DOCK4: variants seen among roughly 807,000 people sequenced by gnomAD.
The protein encoded by DOCK4 is dedicator of cytokinesis 4.
In DOCK4, 97 loss-of-function variants were observed where a neutral mutation model predicts 268.1. The observed-to-expected ratio is 0.36, with a 90% CI of 0.31 to 0.43. The LOEUF is 0.43. Ranked by LOEUF, DOCK4 falls within the 20% of genes least tolerant of loss-of-function variation. The pLI, the probability that DOCK4 is intolerant of heterozygous loss-of-function variation, is 1.00. For synonymous variants in DOCK4, 954 were observed against 887.2 expected (o/e 1.08, Z -1.34); for missense variants, 2,145 against 2,455.7 (o/e 0.87, Z 2.67).
chr7:111,825,671 C>T (rs1685514448), intron 26 of DOCK4, among the ~76,000 whole-genome samples: 1 of 152,148 alleles, frequency 6.6e-6, no homozygotes, highest in African/African-American at 2.4e-5. Context: ...ACAACATGGT[C>T]ACTTAAGCAG....
At chr7:112,000,629 C>T in intron 2 of DOCK4, 95 bp from the exon 3 acceptor site, 2 of 937,770 alleles carry the variant, frequency 2.1e-6, no homozygotes, top group Non-Finnish European at 1.5e-6. Flanking sequence ...TGGAATTTTA[C>T]CATACATGAA....
chr7:111,989,067 G>T lies in DOCK4; in HGVS notation c.412C>A (p.Arg138=), dbSNP rs1415479376. ...ATGTGGCGCTTCACGTCCTTCATCC[G>T]GTCGTGGGTGAGGTGGCCCACCAGC... ...QVLVGHLTHD[R]MKDVKRHITA... is the part of the protein sequence containing the mutation. The change falls in exon 6 of 53, where the codon CGG becomes AGG. Residue 138 remains arginine, a synonymous_variant. Coordinates refer to ENST00000428084, the MANE Select transcript of DOCK4 (RefSeq NM_001363540.2). 1 of 1,613,936 alleles carries T rather than the reference G, an allele frequency of 6.2e-7. No individual in the cohort carries two copies. Among genetic ancestry groups the T allele is most frequent in the South Asian group, 1.1e-5 (1 of 91,072 alleles).
chr7:111,979,032 G>A (rs1466295523), intron 7 of DOCK4, among the ~76,000 whole-genome samples: 1 of 152,300 alleles, frequency 6.6e-6, no homozygotes, highest in East Asian at 1.9e-4. Flanking sequence ...CATTGTAACA[G>A]AGCCATAGCC....
intron 37 of DOCK4, 109 bp downstream of exon 37, chr7:111,769,420 T>G: frequency 1.5e-6 from 2 of 1,358,026 alleles, no homozygotes; most frequent in Non-Finnish European, 2.0e-6. Flanking sequence ...CATTAAGATG[T>G]GAGGATCCCT....
intron 1 of DOCK4, among the ~76,000 whole-genome samples, chr7:112,144,402 T>C (rs1815237668): frequency 6.6e-6 from 1 of 152,196 alleles, no homozygotes. Flanking sequence ...CTATCTAGCC[T>C]TCTCCATCAT....
intron 22 of DOCK4, among the ~76,000 whole-genome samples, chr7:111,865,471 C>T (rs1245877199): frequency 2.0e-5 from 3 of 152,204 alleles, no homozygotes; most frequent in Non-Finnish European, 4.4e-5. Flanking sequence ...GCAAGAAAAC[C>T]AGGTTTCTGC....
chr7:111,991,961 C>CCA (rs1310590464), intron 5 of DOCK4, among the ~76,000 whole-genome samples: 45 of 50,920 alleles, frequency 8.8e-4, no homozygotes, highest in Admixed American at 5.1e-3. Flanking sequence ...ACTCTGTCTC[C>CCA]AAAAAAAAAA....
At chr7:111,886,314 C>T (rs1269978427) in intron 16 of DOCK4, among the ~76,000 whole-genome samples, 1 of 152,118 alleles carries the variant, frequency 6.6e-6, no homozygotes, top group South Asian at 2.1e-4. Flanking sequence ...AGTAGTCATC[C>T]TTTATGTCAT....
At chr7:112,119,239 G>A (rs894483577) in intron 1 of DOCK4, among the ~76,000 whole-genome samples, 18 of 152,142 alleles carry the variant, frequency 1.2e-4, no homozygotes, top group African/African-American at 3.9e-4. Flanking sequence ...GAGAATCCCA[G>A]AAGCTTTGCC....
At chr7:111,818,936 C>T (rs527846736) in intron 27 of DOCK4, among the ~76,000 whole-genome samples, 5 of 152,340 alleles carry the variant, frequency 3.3e-5, no homozygotes, top group African/African-American at 4.8e-5. Context: ...CTTCATAACA[C>T]CCTCATATCA....
chr7:112,125,967 C>A (rs1242939156), intron 1 of DOCK4, among the ~76,000 whole-genome samples: 1 of 152,082 alleles, frequency 6.6e-6, no homozygotes, highest in Non-Finnish European at 1.5e-5. Flanking sequence ...CACCACCATG[C>A]ATGACTAATT....
chr7:111,882,460 C>T (rs900476791), intron 16 of DOCK4, among the ~76,000 whole-genome samples: 2 of 152,122 alleles, frequency 1.3e-5, no homozygotes, highest in African/African-American at 4.8e-5. Flanking sequence ...AGCTGGTACG[C>T]TCAGATGATT....
intron 4 of DOCK4, among the ~76,000 whole-genome samples, chr7:111,995,195 C>A (rs1044394897): frequency 6.6e-6 from 1 of 151,988 alleles, no homozygotes. Context: ...CCACGCCCGG[C>A]TAATTTTTTG....
chr7:112,046,052 C>G (rs1436627104), intron 1 of DOCK4, among the ~76,000 whole-genome samples: 2 of 152,158 alleles, frequency 1.3e-5, no homozygotes, highest in Non-Finnish European at 2.9e-5. Flanking sequence ...GTTCAATACC[C>G]TATCCCTTAA....
intron 26 of DOCK4, among the ~76,000 whole-genome samples, chr7:111,827,750 G>A (rs1379701600): frequency 2.0e-5 from 3 of 152,140 alleles, no homozygotes; most frequent in Non-Finnish European, 4.4e-5. Context: ...ACTGAAAGGT[G>A]TTTAGAAGGG....
chr7:112,142,691 T>C (rs1186327479), intron 1 of DOCK4, among the ~76,000 whole-genome samples: 1 of 152,170 alleles, frequency 6.6e-6, no homozygotes, highest in Admixed American at 6.6e-5. Flanking sequence ...TCTTTACCAC[T>C]ACAGAACTAA....
At chr7:111,779,264 G>T (rs1186042736) in intron 35 of DOCK4, among the ~76,000 whole-genome samples, 1 of 152,024 alleles carries the variant, frequency 6.6e-6, no homozygotes, top group Non-Finnish European at 1.5e-5. Context: ...ACAAATAAGA[G>T]ATTTTATTTC....
intron 1 of DOCK4, among the ~76,000 whole-genome samples, chr7:112,152,981 T>C (rs927188560): frequency 6.6e-6 from 1 of 152,132 alleles, no homozygotes; most frequent in African/African-American, 2.4e-5. Context: ...ATGTAACAAA[T>C]AGGATCAGTG....
chr7:111,799,298 A>T (rs10254599), intron 30 of DOCK4, among the ~76,000 whole-genome samples: 3 of 152,104 alleles, frequency 2.0e-5, no homozygotes, highest in Admixed American at 1.3e-4. Flanking sequence ...CAATGTGCTC[A>T]GATATTGTTT....
Sources: gnomAD v4.1 joint callset for allele counts (sites outside exome capture counted in the v4.1 genomes callset) on GRCh38, gnomAD v4.1.1 for gene constraint, MANE v1.5 for transcripts, NCBI Gene and HGNC (gene_info 2026-07-23, HGNC 2026-07-21) for gene names.